TPD52: variants seen among roughly 807,000 people sequenced by gnomAD.
TPD52 encodes prostate and colon associated protein.
TPD52 carries 17 observed loss-of-function variants against 31.3 expected under a neutral mutation model. The ratio of observed to expected loss-of-function variants is 0.54; its 90% confidence interval spans 0.37 to 0.82. The LOEUF (loss-of-function observed/expected upper bound fraction) is 0.82. TPD52 is among the 40% of genes least tolerant of loss of function. The pLI is 0.00. For synonymous variants in TPD52, 83 were observed against 89.6 expected, an observed-to-expected ratio of 0.93 and a Z score of 0.42; for missense variants, 212 against 240.1, an observed-to-expected ratio of 0.88 and a Z score of 0.77.
At chr8:80,099,625 C>T (rs1806589346) in intron 1 of TPD52, among the ~76,000 whole-genome samples, 1 of 151,914 alleles carries the variant, frequency 6.6e-6, no homozygotes. Flanking sequence ...ATTCTCCTGC[C>T]TCAGCCTCCT....
intron 1 of TPD52, among the ~76,000 whole-genome samples, chr8:80,091,330 G>T (rs574557807): frequency 6.6e-6 from 1 of 152,104 alleles, no homozygotes; most frequent in Non-Finnish European, 1.5e-5. Context: ...TTAGCTGGGC[G>T]TGGTGGCGGG....
At chr8:80,064,437 T>C (rs778929280) in intron 2 of TPD52, 41 bp downstream of exon 2, 17 of 1,475,052 alleles carry the variant, frequency 1.2e-5, no homozygotes, top group South Asian at 3.4e-5. Context: ...ACAGTACATT[T>C]TAAGTGCAAA....
intron 1 of TPD52, among the ~76,000 whole-genome samples, chr8:80,137,087 G>A (rs1328328859): frequency 1.3e-5 from 2 of 152,112 alleles, no homozygotes; most frequent in Non-Finnish European, 2.9e-5. Flanking sequence ...AAATGTGCTT[G>A]GATAAAGCAC....
intron 1 of TPD52, among the ~76,000 whole-genome samples, chr8:80,089,798 T>G (rs1327599979): frequency 6.6e-6 from 1 of 152,240 alleles, no homozygotes; most frequent in East Asian, 1.9e-4. Context: ...CACATCAAAG[T>G]TAAGTGTCTT....
chr8:80,149,189 T>C (rs192000070), intron 1 of TPD52, among the ~76,000 whole-genome samples: 402 of 152,296 alleles, frequency 2.6e-3, no homozygotes, highest in Non-Finnish European at 4.8e-3. Context: ...AGGGACCCAG[T>C]GGGAGGTAAT....
At chr8:80,163,084 A>G (rs992320838) in intron 1 of TPD52, among the ~76,000 whole-genome samples, 1 of 152,238 alleles carries the variant, frequency 6.6e-6, no homozygotes, top group Non-Finnish European at 1.5e-5. Flanking sequence ...GAAAAAATTA[A>G]AACAGAATTA....
intron 1 of TPD52, among the ~76,000 whole-genome samples, chr8:80,140,984 T>TGTGTGTGTGTGTGTGTGTGG (rs58969780): frequency 6.7e-6 from 1 of 149,532 alleles, no homozygotes; most frequent in African/African-American, 2.5e-5. Flanking sequence ...TGTGTGTGTG[T>TGTGTGTGTGTGTGTGTGTGG]AGAAAGAGTA....
intron 1 of TPD52, among the ~76,000 whole-genome samples, chr8:80,094,470 A>G (rs868455292): frequency 1.2e-4 from 14 of 113,816 alleles, no homozygotes; most frequent in African/African-American, 3.6e-4. Context: ...ATATATATAT[A>G]TATATATATA....
chr8:80,044,177 G>C lies in TPD52; in HGVS notation c.445C>G (p.Pro149Ala). Reference sequence around the variant, plus strand: ...AAAAATATACTTTACCTCATAGCAGGCATGCTAATTGAATGCTGAATGGAA... The same window carrying C: ...AAAAATATACTTTACCTCATAGCAGCCATGCTAATTGAATGCTGAATGGAA... The part of the protein sequence containing the change: ...IRSIQHSISM[P>A]AMRNSPTFKS... Residue 149 changes from proline to alanine, a missense_variant, in exon 6 of 8, where the codon CCT becomes GCT. Pro to Ala is a conservative substitution (Grantham distance 27). Transcript: ENST00000518937. The C allele has an allele frequency of 6.3e-7, 1 of 1,583,864 alleles. No homozygotes were observed. The highest frequency in any genetic ancestry group is 8.5e-7 in the Non-Finnish European group (1 of 1,170,120).
chr8:80,066,269 ACACT>A (rs1171800838), intron 1 of TPD52, among the ~76,000 whole-genome samples: 1 of 152,246 alleles, frequency 6.6e-6, no homozygotes, highest in East Asian at 1.9e-4. Flanking sequence ...GCTCTACTGT[ACACT>A]CACTGATTAA....
intron 1 of TPD52, among the ~76,000 whole-genome samples, chr8:80,147,091 T>TG (rs935795455): frequency 3.3e-5 from 5 of 152,180 alleles, no homozygotes; most frequent in Non-Finnish European, 7.3e-5. Flanking sequence ...CTGGCCTACA[T>TG]GGGCAGGCAT....
chr8:80,050,435 C>T lies in TPD52; in HGVS notation c.413+10G>A. ...TGCTGGACTGCAGTGATGGTTCAAA[C>T]TCTCCTTACCTAAAGGAATGTGAAA... On this transcript the variant is annotated intron_variant, in intron 5 of 7. Coordinates refer to ENST00000518937, the MANE Select transcript of TPD52 (RefSeq NM_001025253.3). The T allele has an allele frequency of 6.2e-7, 1 of 1,605,416 alleles. No individual in the cohort carries two copies. The highest frequency in any genetic ancestry group is 8.5e-7 in the Non-Finnish European group (1 of 1,176,216).
At chr8:80,065,854 C>G (rs1031500671) in intron 1 of TPD52, among the ~76,000 whole-genome samples, 6 of 151,940 alleles carry the variant, frequency 3.9e-5, no homozygotes, top group Admixed American at 6.5e-5. Flanking sequence ...TTTGTCACCC[C>G]CTTCCTGGCC....
At chr8:80,115,994 A>G (rs1020525493) in intron 1 of TPD52, among the ~76,000 whole-genome samples, 1 of 152,248 alleles carries the variant, frequency 6.6e-6, no homozygotes, top group Non-Finnish European at 1.5e-5. Context: ...GAAGTAAAGG[A>G]TATCATAGTA....
chr8:80,060,807 G>A (rs1002741708), intron 2 of TPD52, among the ~76,000 whole-genome samples: 9 of 147,536 alleles, frequency 6.1e-5, no homozygotes, highest in African/African-American at 2.3e-4. Flanking sequence ...AGGAATAAAA[G>A]AGAACTTCCT....
chr8:80,050,503 AAAG>A (rs1465068877), intron 4 of TPD52, 32 bp from the exon 5 acceptor site: 3 of 1,588,378 alleles, frequency 1.9e-6, no homozygotes, highest in Non-Finnish European at 2.6e-6. Flanking sequence ...ATTAAAAAAG[AAAG>A]AAGTTCTGAT....
chr8:80,120,654 G>A (rs897620641), intron 1 of TPD52, among the ~76,000 whole-genome samples: 1 of 152,062 alleles, frequency 6.6e-6, no homozygotes, highest in Admixed American at 6.5e-5. Context: ...TCTTCAGTTA[G>A]CAATATAAAC....
chr8:80,167,546 A>G (rs1185001235), intron 1 of TPD52, among the ~76,000 whole-genome samples: 1 of 152,240 alleles, frequency 6.6e-6, no homozygotes, highest in Non-Finnish European at 1.5e-5. Context: ...GGAAATCACG[A>G]AACTGTTGAC....
Position 80,157,393 on chromosome 8 carries a change from G to C in TPD52, c.19+14032C>G, listed in dbSNP as rs551914447. Among the ~76,000 whole-genome samples the C allele has an allele frequency of 2.0e-5, 3 of 152,252 alleles. No individual in the cohort carries two copies. The South Asian group carries it at 6.2e-4, about 32-fold the overall frequency. ...CAGTCAGGATTTTCATTGAATCCCT[G>C]ACACAATCAGCAGTGTAAAGTCACT... is the stretch of plus-strand genomic sequence containing the variant. On this transcript the variant is annotated intron_variant, in intron 1 of 7. Transcript: ENST00000518937.
Sources: gnomAD v4.1 joint callset for allele counts (sites outside exome capture counted in the v4.1 genomes callset) on GRCh38, gnomAD v4.1.1 for gene constraint, MANE v1.5 for transcripts, NCBI Gene and HGNC (gene_info 2026-07-23, HGNC 2026-07-21) for gene names.